The following MAP3K4 variants were observed in gnomAD, a reference collection of about 807,000 sequenced individuals.
MAP3K4 encodes the protein mitogen-activated protein kinase kinase kinase 4, also known as MAP three kinase 1.
A neutral mutation model predicts 185.6 loss-of-function variants in MAP3K4; 67 were observed. The observed-to-expected ratio is 0.36, with a 90% CI of 0.30 to 0.44. The LOEUF (loss-of-function observed/expected upper bound fraction) is 0.44. MAP3K4 is among the 20% of genes least tolerant of loss of function. MAP3K4 has a pLI of 1.00. For missense variants in MAP3K4, 1,551 were observed against 1,995.1 expected (o/e 0.78, Z 4.24); for synonymous variants, 702 against 710.4 (o/e 0.99, Z 0.19).
At chr6:161,092,854 C>CA (rs1562534664) in intron 13 of MAP3K4, 124 bp from the exon 14 acceptor site, 50 of 525,850 alleles carry the variant, frequency 9.5e-5, no homozygotes, top group Middle Eastern at 6.8e-4. Context: ...TGAACCCAAG[C>CA]AAAAAAAAGT....
At chr6:161,111,077 C>T (rs899033207) in intron 23 of MAP3K4, among the ~76,000 whole-genome samples, 1 of 152,182 alleles carries the variant, frequency 6.6e-6, no homozygotes, top group Non-Finnish European at 1.5e-5. Context: ...AGCTGCCCCT[C>T]GTAGTCAATT....
chr6:161,062,879 TGTCA>T (rs1784543179), intron 3 of MAP3K4, among the ~76,000 whole-genome samples: 1 of 150,618 alleles, frequency 6.6e-6, no homozygotes, highest in Non-Finnish European at 1.5e-5. Context: ...TTTGTTTGTT[TGTCA>T]GTCTGTTTTT....
At chr6:161,085,858 C>T (rs1047437168) in intron 7 of MAP3K4, among the ~76,000 whole-genome samples, 4 of 152,138 alleles carry the variant, frequency 2.6e-5, no homozygotes, top group Admixed American at 6.5e-5. Context: ...CTGCTTCTCC[C>T]GGCTTGAGAG....
chr6:161,006,953 AT>A (rs1781614919), intron 1 of MAP3K4, among the ~76,000 whole-genome samples: 1 of 152,242 alleles, frequency 6.6e-6, no homozygotes, highest in Non-Finnish European at 1.5e-5. Context: ...AACAGAAAAA[AT>A]ATCCCTATTA....
At chr6:161,001,242 C>A (rs905911987) in intron 1 of MAP3K4, among the ~76,000 whole-genome samples, 1 of 150,728 alleles carries the variant, frequency 6.6e-6, no homozygotes, top group Non-Finnish European at 1.5e-5. Context: ...ATATTTTTAT[C>A]AAGTTATTAA....
rs754929020 is a variant in MAP3K4, at chr6:160,992,081, G to T, written c.150G>T (p.Ala50=). Residue 50 remains alanine (A), a splice_region_variant and synonymous_variant, in exon 1 of 27, where the codon GCG becomes GCT. Transcript: ENST00000392142. ...CAGAACCCGAGTGCTGCTTGGCGGC[G>T]AGGTGAGTGTGGCGGCCGCAGTCGG... The part of the protein sequence containing the change: ...TESEPECCLA[A]RQEGTLGDSA... 3 of 1,568,708 alleles carry T rather than the reference G, an allele frequency of 1.9e-6. No homozygotes were observed. Among genetic ancestry groups the T allele is most frequent in the Non-Finnish European group, 1.7e-6 (2 of 1,163,602 alleles).
In MAP3K4 at chr6:161,094,774, A is replaced by G. The variant is rs138970218; in HGVS notation, c.3427+923A>G. ...CGTGAAAATGAAAGTTAACATTTGT[A>G]AGACTATTTGAGCATTTTATATAAA... On this transcript the variant is annotated intron_variant, in intron 15 of 26. Transcript: ENST00000392142. Among the ~76,000 whole-genome samples the G allele has an allele frequency of 2.0e-3, 306 of 152,338 alleles. 1 individual carries two copies. Among genetic ancestry groups the G allele is most frequent in the African/African-American group, 7.0e-3 (290 of 41,586 alleles).
chr6:160,992,232 C>T (rs1780750848), intron 1 of MAP3K4, 149 bp downstream of exon 1: 2 of 1,127,738 alleles, frequency 1.8e-6, no homozygotes, highest in Non-Finnish European at 2.4e-6. Flanking sequence ...CGCGGTGCAT[C>T]CCTGGGTCCC....
In MAP3K4 at chr6:161,067,419, CT is replaced by C. The variant is rs1784760740; in HGVS notation, c.1708-3185del. 5.9e-6 allele frequency: 1 copy of C among 170,128 alleles called. No individual in the cohort carries two copies. The highest frequency in any genetic ancestry group is 1.2e-4 in the South Asian group (1 of 8,646). 10.5% of individuals were successfully genotyped at this position (170,128 alleles called of 1,614,324 possible). Reference sequence around the variant, plus strand: ...TTACCCTAAGCAGTTCCCAGCTTGACTTTTCCCTTTAGCTTAATGATTTGGG... The same window carrying C: ...TTACCCTAAGCAGTTCCCAGCTTGACTTTCCCTTTAGCTTAATGATTTGGG... On this transcript the variant is annotated intron_variant, in intron 3 of 26. Transcript: ENST00000392142. The surrounding 1 kb of genome is among the most constrained non-coding windows in gnomAD (Gnocchi z 6.3).
At position 161,071,176 on chromosome 6, in the gene MAP3K4, A is replaced by T. The variant is rs1025123505; in HGVS notation, c.1950+326A>T. On this transcript the variant is annotated intron_variant, in intron 4 of 26. Coordinates refer to ENST00000392142, the MANE Select transcript of MAP3K4 (RefSeq NM_005922.4). This position sits in a 1 kb window ranked among gnomAD's most constrained non-coding sequence, Gnocchi z 4.6. ...ATTCTTAAATTTATTTATTTTTTCT[A>T]TTTGAAGTACATGTAAACAGATAAA... Among the ~76,000 whole-genome samples the T allele has an allele frequency of 6.6e-6, 1 of 152,132 alleles. No individual in the cohort carries two copies. The highest frequency in any genetic ancestry group is 2.4e-5 in the African/African-American group (1 of 41,418).
At chr6:161,040,274 A>G (rs1345608624) in intron 2 of MAP3K4, among the ~76,000 whole-genome samples, 1 of 152,210 alleles carries the variant, frequency 6.6e-6, no homozygotes, top group Non-Finnish European at 1.5e-5. Flanking sequence ...TTTACTGGAA[A>G]TATGAGGCTA....
Position 161,091,681 on chromosome 6 carries a change from A to G in MAP3K4, c.3135+141A>G. 1.3e-6 allele frequency: 1 copy of G among 751,368 alleles called. No individual in the cohort carries two copies. The highest frequency in any genetic ancestry group is 1.9e-5 in the South Asian group (1 of 51,724). The allele number at this position is 751,368 out of a possible 1,614,324, so 46.5% of individuals were successfully genotyped here. A position where few individuals can be genotyped will look rare whatever the true frequency, so the allele number is the denominator to read the frequency against. ...ATATCATCTTATATCACTGCTGTAT[A>G]TCAGAGATGTTAGTTTACTTTTAAA... On this transcript the variant is annotated intron_variant, in intron 12 of 26. Transcript: ENST00000392142. The surrounding 1 kb of genome is among the most constrained non-coding windows in gnomAD (Gnocchi z 5.5).
At chr6:161,062,391 T>TTG (rs1196032994) in intron 3 of MAP3K4, among the ~76,000 whole-genome samples, 4 of 152,006 alleles carry the variant, frequency 2.6e-5, no homozygotes, top group Admixed American at 2.0e-4. Context: ...TTCTTCAGGG[T>TTG]TGTGTGTGTG....
intron 1 of MAP3K4, among the ~76,000 whole-genome samples, chr6:161,026,251 C>T (rs1782646459): frequency 6.6e-6 from 1 of 152,022 alleles, no homozygotes; most frequent in Admixed American, 6.5e-5. Flanking sequence ...CTGCCTCAGC[C>T]TCCCGAGTAG....
chr6:161,115,027 A>G lies in MAP3K4; in HGVS notation c.4627-96A>G. On this transcript the variant is annotated intron_variant, in intron 25 of 26. Coordinates refer to ENST00000392142, the MANE Select transcript of MAP3K4 (RefSeq NM_005922.4). This position sits in a 1 kb window ranked among gnomAD's most constrained non-coding sequence, Gnocchi z 6.0. ...GTAAAAATTTGCTGTCCCCTGATAT[A>G]TATTAATGATGAGATGCTTAAAAAC... The G allele has an allele frequency of 1.8e-6, 2 of 1,120,874 alleles. No individual in the cohort carries two copies. Among genetic ancestry groups the G allele is most frequent in the Non-Finnish European group, 2.6e-6 (2 of 775,930 alleles). 69.4% of individuals were successfully genotyped at this position (1,120,874 alleles called of 1,614,324 possible). A position where few individuals can be genotyped will look rare whatever the true frequency, so the allele number is the denominator to read the frequency against.
chr6:161,066,292 C>T (rs1246201054), intron 3 of MAP3K4, among the ~76,000 whole-genome samples: 2 of 152,114 alleles, frequency 1.3e-5, no homozygotes, highest in Non-Finnish European at 2.9e-5. Flanking sequence ...TTTGACTATG[C>T]CAAATGCTTT....
At position 161,107,842 on chromosome 6, in the gene MAP3K4, A is replaced by T; in HGVS notation, c.4049-57A>T. On this transcript the variant is annotated intron_variant, in intron 20 of 26. Transcript: ENST00000392142. This position sits in a 1 kb window ranked among gnomAD's most constrained non-coding sequence, Gnocchi z 6.2. The stretch of plus-strand genomic sequence containing the variant: ...GGACAGTATTATTACAAGTTTAAGG[A>T]ATGTAAGACAGCCCCCTGCAGTGGC... 1 of 1,149,942 alleles carries T rather than the reference A, an allele frequency of 8.7e-7. No individual in the cohort carries two copies. The highest frequency in any genetic ancestry group is 1.3e-5 in the South Asian group (1 of 79,138). The allele number at this position is 1,149,942 out of a possible 1,614,324, so 71.2% of individuals were successfully genotyped here.
chr6:161,040,204 A>T (rs998856151), intron 2 of MAP3K4, among the ~76,000 whole-genome samples: 2 of 152,186 alleles, frequency 1.3e-5, no homozygotes, highest in Non-Finnish European at 1.5e-5. Flanking sequence ...TTTTATATTT[A>T]TCTTTACTAA....
In MAP3K4 at chr6:161,074,407, T is replaced by A. The variant is rs1202661732; in HGVS notation, c.2097+795T>A. On this transcript the variant is annotated intron_variant, in intron 5 of 26. Coordinates refer to ENST00000392142, the MANE Select transcript of MAP3K4 (RefSeq NM_005922.4). The surrounding 1 kb of genome is among the most constrained non-coding windows in gnomAD (Gnocchi z 5.0). ...TGCCCCCTCCTCCACTTTATCTGCC[T>A]ATTTAAGGCTTACTTTCAGGTTTTA... Among the ~76,000 whole-genome samples the A allele has an allele frequency of 6.6e-6, 1 of 152,242 alleles. No homozygotes were observed. The highest frequency in any genetic ancestry group is 1.5e-5 in the Non-Finnish European group (1 of 68,030).
Sources: gnomAD v4.1 joint callset for allele counts (sites outside exome capture counted in the v4.1 genomes callset) on GRCh38, gnomAD v4.1.1 for gene constraint, Gnocchi (gnomAD v3.1) non-coding constraint, MANE v1.5 for transcripts, NCBI Gene and HGNC (gene_info 2026-07-23, HGNC 2026-07-21) for gene names.